DCTN6: variants seen among roughly 807,000 people sequenced by gnomAD.
The protein encoded by DCTN6 is dynactin 6.
A neutral mutation model predicts 25.8 loss-of-function variants in DCTN6; 15 were observed. That is an observed-to-expected ratio of 0.58 (90% CI 0.39 to 0.89). The LOEUF (loss-of-function observed/expected upper bound fraction) is 0.89. Among genes scored for constraint, DCTN6 ranks in the 40% least tolerant of loss-of-function variants. The pLI is 0.00. For synonymous variants in DCTN6, 64 were observed against 78.3 expected, an observed-to-expected ratio of 0.82 and a Z score of 0.96; for missense variants, 198 against 237.6, an observed-to-expected ratio of 0.83 and a Z score of 1.09.
chr8:30,168,895 C>T (rs76040716), intron 2 of DCTN6, among the ~76,000 whole-genome samples: 2 of 152,124 alleles, frequency 1.3e-5, no homozygotes, highest in Admixed American at 1.3e-4. Context: ...TAGCATCAAG[C>T]CTATTTTTAG....
intron 1 of DCTN6, among the ~76,000 whole-genome samples, chr8:30,159,485 A>G (rs1403838507): frequency 6.6e-6 from 1 of 152,150 alleles, no homozygotes; most frequent in Non-Finnish European, 1.5e-5. Context: ...GAGACATGTT[A>G]ATGAAAGAAT....
chr8:30,179,821 A>G (rs1450742516), intron 5 of DCTN6, among the ~76,000 whole-genome samples: 1 of 152,180 alleles, frequency 6.6e-6, no homozygotes, highest in African/African-American at 2.4e-5. Context: ...CTTTAATTTC[A>G]GGAATACTTT....
chr8:30,156,850 C>T (rs573072223), intron 1 of DCTN6, among the ~76,000 whole-genome samples: 1 of 152,334 alleles, frequency 6.6e-6, no homozygotes, highest in Admixed American at 6.5e-5. Flanking sequence ...GGCCGCACCC[C>T]AGGCCCTTCC....
chr8:30,163,177 A>G (rs952636173), intron 1 of DCTN6, among the ~76,000 whole-genome samples: 1 of 152,122 alleles, frequency 6.6e-6, no homozygotes, highest in African/African-American at 2.4e-5. Context: ...CATGCCTGTA[A>G]TCCCAGCTAC....
chr8:30,157,670 C>T (rs1585496656), intron 1 of DCTN6, among the ~76,000 whole-genome samples: 1 of 152,206 alleles, frequency 6.6e-6, no homozygotes, highest in African/African-American at 2.4e-5. Context: ...TTGGCTTCTT[C>T]TCCGGTAGTC....
intron 5 of DCTN6, 87 bp from the exon 6 acceptor site, chr8:30,180,401 A>G: frequency 2.6e-6 from 4 of 1,519,828 alleles, no homozygotes. Flanking sequence ...GCCAGTTTAC[A>G]TTTTTATACC....
chr8:30,174,528 G>A (rs898608279), intron 2 of DCTN6, among the ~76,000 whole-genome samples: 1 of 151,958 alleles, frequency 6.6e-6, no homozygotes, highest in African/African-American at 2.4e-5. Context: ...TACAGATGGG[G>A]TTTCGCCATG....
intron 1 of DCTN6, among the ~76,000 whole-genome samples, chr8:30,158,106 C>G (rs550402148): frequency 6.6e-6 from 1 of 152,258 alleles, no homozygotes; most frequent in South Asian, 2.1e-4. Flanking sequence ...GTGGCCTGCC[C>G]CACTGAGAAG....
Position 30,175,096 on chromosome 8 carries a change from G to A in DCTN6, c.100G>A (p.Val34Met). The A allele has an allele frequency of 6.2e-7, 1 of 1,614,108 alleles. No homozygotes were observed. Among genetic ancestry groups the A allele is most frequent in the Non-Finnish European group, 8.5e-7 (1 of 1,180,006 alleles). The change falls in exon 3 of 7, where the codon GTG becomes ATG. Residue 34 changes from valine (V) to methionine (M), a missense_variant. By Grantham distance (21) the Val-to-Met change is conservative. Transcript: ENST00000221114. The stretch of plus-strand genomic sequence containing the variant: ...ACTATTTTTAACAGGACCTCGGACA[G>A]TGATCCACCCTAAAGCAAGAATTAT... ...RGDVTIGPRT[V>M]IHPKARIIAE...
In DCTN6 at chr8:30,164,151, G is replaced by A. The variant is rs999835204; in HGVS notation, c.64G>A (p.Glu22Lys). ...TGGAGCAGTTGTATGTGTAGAAAGT[G>A]AAATCAGAGGAGATGTAACTATCGG... ...APGAVVCVESEIRGDVTIGPR... is the reference protein window; with the variant it reads ...APGAVVCVESKIRGDVTIGPR... Residue 22 changes from glutamate (E) to lysine (K), a missense_variant, in exon 2 of 7, where the codon GAA becomes AAA. Transcript: ENST00000221114. The A allele has an allele frequency of 6.2e-7, 1 of 1,613,456 alleles. No homozygotes were observed. Among genetic ancestry groups the A allele is most frequent in the Non-Finnish European group, 8.5e-7 (1 of 1,179,406 alleles).
chr8:30,183,171 T>C lies in DCTN6; in HGVS notation c.571T>C (p.Ter191GlnextTer6). ...MKGSSTPVKN[*>Q] is the part of the protein sequence containing the mutation. ...AGGAAGCTCAACTCCAGTAAAGAAC[T>C]AAGAACAGTGTATAACATGAAGATA... The change falls in exon 7 of 7, where the codon TAA becomes CAA. Residue 191 changes from the stop codon to glutamine (Q), a stop_lost. Coordinates refer to ENST00000221114, the MANE Select transcript of DCTN6 (RefSeq NM_006571.4). The C allele has an allele frequency of 6.2e-7, 1 of 1,612,180 alleles. No individual in the cohort carries two copies.
At chr8:30,173,866 T>G (rs1249166080) in intron 2 of DCTN6, among the ~76,000 whole-genome samples, 1 of 152,154 alleles carries the variant, frequency 6.6e-6, no homozygotes, top group Admixed American at 6.6e-5. Context: ...CTGCACTTGT[T>G]TACCCATAAA....
At chr8:30,174,163 G>C (rs1563230695) in intron 2 of DCTN6, among the ~76,000 whole-genome samples, 1 of 152,290 alleles carries the variant, frequency 6.6e-6, no homozygotes, top group East Asian at 1.9e-4. Context: ...GGGTCCTTCT[G>C]CTGCCTCCCT....
intron 2 of DCTN6, among the ~76,000 whole-genome samples, chr8:30,164,378 C>A (rs529428983): frequency 2.6e-5 from 4 of 152,316 alleles, no homozygotes; most frequent in African/African-American, 9.6e-5. Context: ...ATCTGAAATA[C>A]TAATGAGGCT....
chr8:30,156,665 G>C (rs551057827), intron 1 of DCTN6, among the ~76,000 whole-genome samples: 6 of 144,564 alleles, frequency 4.2e-5, no homozygotes, highest in South Asian at 2.1e-4. Flanking sequence ...CCTGCGCAGA[G>C]GGGGTCTCCC....
rs1053534304 is a variant in DCTN6 at position 30,174,942 on chromosome 8, A to G, written c.89-143A>G. ...CTGATGATAAAGCCTGGGAGATAGT[A>G]TCTGTGAAGTACCTAGCTTGGTGCC... On this transcript the variant is annotated intron_variant, in intron 2 of 6. Coordinates refer to ENST00000221114, the MANE Select transcript of DCTN6 (RefSeq NM_006571.4). 13 of 682,402 alleles carry G rather than the reference A, an allele frequency of 1.9e-5. No homozygotes were observed. The Middle Eastern group carries it at 1.3e-3, about 66-fold the overall frequency. The allele number at this position is 682,402 out of a possible 1,614,324, so 42.3% of individuals were successfully genotyped here. A position where few individuals can be genotyped will look rare whatever the true frequency, so the allele number is the denominator to read the frequency against.
In DCTN6 at chr8:30,170,989, A is replaced by T. The variant is rs113032850; in HGVS notation, c.89-4096A>T. On this transcript the variant is annotated intron_variant, in intron 2 of 6. Coordinates refer to ENST00000221114, the MANE Select transcript of DCTN6 (RefSeq NM_006571.4). ...GGTATCTTCTGTGAAAAAAATTTTT[A>T]AAAATTTTTAAAAAGTGTGCTTATT... Among the ~76,000 whole-genome samples the T allele has an allele frequency of 1.9e-3, 290 of 152,254 alleles. 4 individuals are homozygous for T. The highest frequency in any genetic ancestry group is 6.8e-3 in the Middle Eastern group (2 of 294).
At chr8:30,171,630 G>A (rs1213551591) in intron 2 of DCTN6, among the ~76,000 whole-genome samples, 1 of 152,198 alleles carries the variant, frequency 6.6e-6, no homozygotes, top group Non-Finnish European at 1.5e-5. Flanking sequence ...ATCATGTGGT[G>A]TGGAATTTTT....
intron 2 of DCTN6, among the ~76,000 whole-genome samples, chr8:30,167,200 C>T (rs974114661): frequency 2.0e-5 from 3 of 151,880 alleles, no homozygotes; most frequent in African/African-American, 4.8e-5. Flanking sequence ...CATGTGGTGG[C>T]GCATGCCTGT....
Sources: allele counts gnomAD v4.1 joint callset (sites outside exome capture counted in the v4.1 genomes callset), GRCh38; gene constraint gnomAD v4.1.1; transcripts MANE v1.5; gene names NCBI Gene and HGNC (gene_info 2026-07-23, HGNC 2026-07-21).